The following MRPS28 variants were observed in gnomAD, a reference collection of about 807,000 sequenced individuals.
The protein encoded by MRPS28 is mitochondrial ribosomal protein S28.
In MRPS28, 7 loss-of-function variants were observed where a neutral mutation model predicts 10.8. That is an observed-to-expected ratio of 0.65 (90% CI 0.37 to 1.22). The LOEUF (loss-of-function observed/expected upper bound fraction) is 1.22, where lower values mean the gene tolerates loss of function less well. Among genes scored for constraint, MRPS28 ranks in the 50% most tolerant of loss-of-function variants. MRPS28 has a pLI of 0.02. For synonymous variants in MRPS28, 121 were observed against 93.3 expected (o/e 1.30, Z -1.71); for missense variants, 265 against 232.9 (o/e 1.14, Z -0.90).
At chr8:79,986,557 G>A (rs1808185002) in intron 2 of MRPS28, among the ~76,000 whole-genome samples, 1 of 152,204 alleles carries the variant, frequency 6.6e-6, no homozygotes, top group Non-Finnish European at 1.5e-5. Context: ...TCCTTAAGCT[G>A]ATAAGAAACT....
intron 2 of MRPS28, among the ~76,000 whole-genome samples, chr8:79,925,997 G>GAAAAAAAAA (rs1158532607): frequency 1.3e-5 from 1 of 79,590 alleles, no homozygotes. Context: ...GAAAAGAAAA[G>GAAAAAAAAA]AAAAAAAAAA....
At chr8:79,925,278 C>T (rs1395528025) in intron 2 of MRPS28, among the ~76,000 whole-genome samples, 1 of 151,462 alleles carries the variant, frequency 6.6e-6, no homozygotes, top group Admixed American at 6.6e-5. Context: ...CTTAAAAATA[C>T]TATCTAGACT....
chr8:79,919,925 C>G (rs1390440328), intron 2 of MRPS28, among the ~76,000 whole-genome samples: 1 of 133,986 alleles, frequency 7.5e-6, no homozygotes, highest in Admixed American at 7.6e-5. Flanking sequence ...TTAGGTATAT[C>G]TCCTAATGCT....
At chr8:79,985,773 G>A (rs1808139965) in intron 2 of MRPS28, among the ~76,000 whole-genome samples, 1 of 152,084 alleles carries the variant, frequency 6.6e-6, no homozygotes, top group Non-Finnish European at 1.5e-5. Context: ...CTGAAATTGT[G>A]GCAATAATCA....
At chr8:79,919,935 T>C (rs192071641) in intron 2 of MRPS28, among the ~76,000 whole-genome samples, 17 of 59,270 alleles carry the variant, frequency 2.9e-4, no homozygotes, top group Middle Eastern at 8.8e-3. Flanking sequence ...CTCCTAATGC[T>C]ATCCCTCCCC....
chr8:79,927,748 G>A (rs1178690863), intron 2 of MRPS28, among the ~76,000 whole-genome samples: 1 of 152,148 alleles, frequency 6.6e-6, no homozygotes. Context: ...TGATTTCTTT[G>A]TCTTTTCAAC....
chr8:79,975,183 G>C (rs1002574556), intron 2 of MRPS28, among the ~76,000 whole-genome samples: 2 of 152,054 alleles, frequency 1.3e-5, no homozygotes, highest in African/African-American at 4.8e-5. Flanking sequence ...TGTAGTCCCA[G>C]CTACTTGAAG....
chr8:79,967,748 A>G (rs1563528752), intron 2 of MRPS28, among the ~76,000 whole-genome samples: 3 of 152,126 alleles, frequency 2.0e-5, no homozygotes, highest in Non-Finnish European at 2.9e-5. Context: ...TGTGGAGGGT[A>G]GATTTCCTCA....
chr8:79,998,588 C>T (rs1408895839), intron 2 of MRPS28, among the ~76,000 whole-genome samples: 1 of 152,164 alleles, frequency 6.6e-6, no homozygotes, highest in Non-Finnish European at 1.5e-5. Flanking sequence ...AGTAGAAATA[C>T]TCACCACACA....
At chr8:79,924,214 CCTA>C (rs1359769187) in intron 2 of MRPS28, among the ~76,000 whole-genome samples, 3 of 152,146 alleles carry the variant, frequency 2.0e-5, no homozygotes, top group Non-Finnish European at 4.4e-5. Context: ...ATGTTTTCAT[CCTA>C]CTAAGTTAAA....
chr8:79,955,633 G>C (rs1344411350), intron 2 of MRPS28, among the ~76,000 whole-genome samples: 1 of 151,948 alleles, frequency 6.6e-6, no homozygotes, highest in Non-Finnish European at 1.5e-5. Context: ...CATGTTTTAG[G>C]TTATTTTTAT....
At chr8:79,980,058 T>C (rs1807914279) in intron 2 of MRPS28, among the ~76,000 whole-genome samples, 1 of 151,096 alleles carries the variant, frequency 6.6e-6, no homozygotes, top group East Asian at 2.0e-4. Flanking sequence ...ATCTATTAAA[T>C]AAGGGTGATG....
chr8:79,957,952 C>T (rs1335235047), intron 2 of MRPS28: 1 of 154,050 alleles, frequency 6.5e-6, no homozygotes, highest in Admixed American at 6.5e-5. Context: ...ATGATTTAGT[C>T]CACATGTAAC....
chr8:79,929,621 C>A (rs1173893059), intron 2 of MRPS28, among the ~76,000 whole-genome samples: 1 of 151,902 alleles, frequency 6.6e-6, no homozygotes, highest in Non-Finnish European at 1.5e-5. Context: ...CCCACCCCCC[C>A]AAAAGCAGAA....
At chr8:79,986,903 T>C (rs1322145738) in intron 2 of MRPS28, among the ~76,000 whole-genome samples, 2 of 152,204 alleles carry the variant, frequency 1.3e-5, no homozygotes, top group African/African-American at 4.8e-5. Context: ...GATGACTTTC[T>C]TCACAGAATT....
chr8:79,980,761 T>A (rs1361541509), intron 2 of MRPS28, among the ~76,000 whole-genome samples: 1 of 152,236 alleles, frequency 6.6e-6, no homozygotes, highest in Non-Finnish European at 1.5e-5. Context: ...TGCCGGACAT[T>A]TAAAAATTAT....
chr8:79,998,054 CAAAAAAAAA>C (rs35716562), intron 2 of MRPS28, among the ~76,000 whole-genome samples: 1 of 131,074 alleles, frequency 7.6e-6, no homozygotes, highest in Non-Finnish European at 1.6e-5. Flanking sequence ...GACTCTGTCT[CAAAAAAAAA>C]AAAAAGAAAG....
At chr8:80,007,269 T>A (rs528527702) in intron 1 of MRPS28, among the ~76,000 whole-genome samples, 73 of 152,252 alleles carry the variant, frequency 4.8e-4, no homozygotes, top group African/African-American at 1.7e-3. Context: ...ATGGCACGTA[T>A]CTCAAAATAA....
At chr8:80,007,860 T>C (rs1334761169) in intron 1 of MRPS28, among the ~76,000 whole-genome samples, 2 of 152,142 alleles carry the variant, frequency 1.3e-5, no homozygotes, top group Non-Finnish European at 2.9e-5. Flanking sequence ...AGGTAATTTA[T>C]AGATTCAATG....
Sources: allele counts gnomAD v4.1 joint callset (sites outside exome capture counted in the v4.1 genomes callset), GRCh38; gene constraint gnomAD v4.1.1; transcripts MANE v1.5; gene names NCBI Gene and HGNC (gene_info 2026-07-23, HGNC 2026-07-21).